MYO3A: variants seen among roughly 807,000 people sequenced by gnomAD.
MYO3A encodes the protein myosin-IIIa.
Under a neutral mutation model 192.7 loss-of-function variants are expected in MYO3A, and 180 were observed. That is an observed-to-expected ratio of 0.93 (90% CI 0.83 to 1.06). The LOEUF is 1.06. Ranked by LOEUF, MYO3A falls within the 50% of genes least tolerant of loss-of-function variation. The probability of loss-of-function intolerance (pLI) is 0.00; values close to 1 mark genes in which losing one functional copy is unlikely to be tolerated. For missense variants in MYO3A, 1,896 were observed against 1,905.0 expected, an observed-to-expected ratio of 1.00 and a Z score of 0.09; for synonymous variants, 628 against 645.3, an observed-to-expected ratio of 0.97 and a Z score of 0.41.
At chr10:25,952,616 A>G (rs1160706449) in intron 3 of MYO3A, among the ~76,000 whole-genome samples, 2 of 152,160 alleles carry the variant, frequency 1.3e-5, no homozygotes, top group Non-Finnish European at 2.9e-5. Flanking sequence ...CTGAAATGGC[A>G]TCTTAACCAT....
intron 27 of MYO3A, among the ~76,000 whole-genome samples, chr10:26,168,050 T>C (rs534258797): frequency 8.2e-4 from 125 of 152,358 alleles, no homozygotes; most frequent in Non-Finnish European, 1.3e-3. Flanking sequence ...CTTGCTCCAA[T>C]TGATGTTGAT....
intron 4 of MYO3A, among the ~76,000 whole-genome samples, chr10:25,978,419 G>T (rs1339818): frequency 6.6e-6 from 1 of 152,142 alleles, no homozygotes; most frequent in Admixed American, 6.6e-5. Flanking sequence ...AGAGAGGAGC[G>T]CTTGTGCAGG....
At chr10:26,025,405 G>A (rs1315605924) in intron 9 of MYO3A, among the ~76,000 whole-genome samples, 1 of 151,790 alleles carries the variant, frequency 6.6e-6, no homozygotes, top group African/African-American at 2.4e-5. Flanking sequence ...GGGTTAAAGG[G>A]GTCTTGGAAA....
intron 10 of MYO3A, among the ~76,000 whole-genome samples, chr10:26,053,615 G>A (rs1335765369): frequency 1.3e-5 from 2 of 152,174 alleles, no homozygotes; most frequent in East Asian, 3.9e-4. Context: ...CGCGAGGTCA[G>A]GAGTTCGAGA....
chr10:26,203,150 C>T, intron 34 of MYO3A, 43 bp downstream of exon 34: 1 of 1,584,458 alleles, frequency 6.3e-7, no homozygotes, highest in Non-Finnish European at 8.7e-7. Flanking sequence ...CAGTTTTATA[C>T]TCACAATTTC....
At chr10:26,125,127 C>T (rs545141524) in intron 18 of MYO3A, among the ~76,000 whole-genome samples, 2 of 152,140 alleles carry the variant, frequency 1.3e-5, no homozygotes, top group South Asian at 2.1e-4. Flanking sequence ...AACAACCACT[C>T]GCTTATGCAG....
intron 2 of MYO3A, among the ~76,000 whole-genome samples, chr10:25,941,928 A>G (rs1446418146): frequency 1.3e-5 from 2 of 151,742 alleles, no homozygotes; most frequent in Non-Finnish European, 2.9e-5. Context: ...TACATGTTGT[A>G]GTATGTGTCA....
At chr10:26,079,400 G>C (rs2131447916) in intron 14 of MYO3A, among the ~76,000 whole-genome samples, 1 of 152,218 alleles carries the variant, frequency 6.6e-6, no homozygotes, top group East Asian at 1.9e-4. Context: ...TTATGTGTTA[G>C]ATGAGTCCCC....
chr10:26,004,142 C>T (rs1841027094), intron 6 of MYO3A, among the ~76,000 whole-genome samples: 1 of 152,140 alleles, frequency 6.6e-6, no homozygotes, highest in African/African-American at 2.4e-5. Flanking sequence ...AGGAAGGTAT[C>T]TGCTGGCAGG....
At chr10:26,159,363 CTTTTTTT>C (rs60037752) in intron 26 of MYO3A, among the ~76,000 whole-genome samples, 1 of 128,304 alleles carries the variant, frequency 7.8e-6, no homozygotes, top group African/African-American at 2.9e-5. Context: ...TTTTCTTTTT[CTTTTTTT>C]TTTTTTTTAG....
At chr10:26,146,846 C>T (rs940114600) in intron 22 of MYO3A, among the ~76,000 whole-genome samples, 2 of 152,148 alleles carry the variant, frequency 1.3e-5, no homozygotes, top group African/African-American at 4.8e-5. Flanking sequence ...GGCATGGTGG[C>T]TCACGCCTGT....
chr10:26,206,287 C>G (rs952968629), intron 34 of MYO3A, among the ~76,000 whole-genome samples: 1 of 150,356 alleles, frequency 6.7e-6, no homozygotes, highest in African/African-American at 2.4e-5. Flanking sequence ...TCTTGAACTT[C>G]TGGCCTCAAG....
At chr10:25,978,165 GA>G (rs1198913857) in intron 4 of MYO3A, among the ~76,000 whole-genome samples, 5 of 152,084 alleles carry the variant, frequency 3.3e-5, no homozygotes, top group African/African-American at 1.2e-4. Flanking sequence ...TAAACTTAGA[GA>G]ATGATTTTGA....
At chr10:26,065,643 T>C (rs369155287) in intron 10 of MYO3A, among the ~76,000 whole-genome samples, 9 of 146,308 alleles carry the variant, frequency 6.2e-5, no homozygotes, top group African/African-American at 2.0e-4. Flanking sequence ...GGATTTTTAC[T>C]ATAAAGCAAA....
At chr10:26,127,300 C>T (rs1465052372) in intron 19 of MYO3A, among the ~76,000 whole-genome samples, 1 of 152,100 alleles carries the variant, frequency 6.6e-6, no homozygotes, top group Non-Finnish European at 1.5e-5. Flanking sequence ...CTGCTTCTAA[C>T]ACTTTTTTAT....
intron 2 of MYO3A, among the ~76,000 whole-genome samples, chr10:25,946,518 C>T (rs1836838842): frequency 6.8e-6 from 1 of 146,164 alleles, no homozygotes; most frequent in African/African-American, 2.6e-5. Context: ...TTTTAAGTTT[C>T]CCTTTTTTTT....
rs78706885 is a variant in MYO3A at position 26,145,721 on chromosome 10, C to T, written c.2505+187C>T. Among the ~76,000 whole-genome samples the T allele has an allele frequency of 0.03, 4,583 of 152,312 alleles. 211 individuals are homozygous for T. Among genetic ancestry groups the T allele is most frequent in the African/African-American group, 0.1 (4,314 of 41,534 alleles). On this transcript the variant is annotated intron_variant, in intron 22 of 34. Coordinates refer to ENST00000642920, the MANE Select transcript of MYO3A (RefSeq NM_017433.5). ...AATCCATCCTGTCCTTTGCTAGCCA[C>T]TCACTATGGAGGCCAGACCCACTCC...
At chr10:26,082,293 T>A (rs1588921356) in intron 14 of MYO3A, among the ~76,000 whole-genome samples, 1 of 152,234 alleles carries the variant, frequency 6.6e-6, no homozygotes, top group East Asian at 1.9e-4. Flanking sequence ...AGTGTACAGA[T>A]CTGTCACCTC....
intron 7 of MYO3A, among the ~76,000 whole-genome samples, chr10:26,017,416 A>G (rs1842041716): frequency 6.6e-6 from 1 of 152,068 alleles, no homozygotes; most frequent in Admixed American, 6.6e-5. Context: ...AGTTTTCAAG[A>G]GTCATCTTCT....
Sources: gnomAD v4.1 joint callset for allele counts (sites outside exome capture counted in the v4.1 genomes callset) on GRCh38, gnomAD v4.1.1 for gene constraint, MANE v1.5 for transcripts, NCBI Gene and HGNC (gene_info 2026-07-23, HGNC 2026-07-21) for gene names.